Variants in STPG2 observed in about 807,000 individuals in gnomAD.
The protein encoded by STPG2 is sperm tail PG-rich repeat containing 2, also known as sperm-tail PG-rich repeat-containing protein 2.
STPG2 carries 56 observed loss-of-function variants against 54.2 expected under a neutral mutation model. That is an observed-to-expected ratio of 1.03 (90% CI 0.83 to 1.29). The LOEUF (loss-of-function observed/expected upper bound fraction) is 1.29, where lower values mean the gene tolerates loss of function less well. Ranked by LOEUF, STPG2 falls within the 50% of genes most tolerant of loss-of-function variation. The pLI, the probability that STPG2 is intolerant of heterozygous loss-of-function variation, is 0.00. For synonymous variants in STPG2, 200 were observed against 181.8 expected, an observed-to-expected ratio of 1.10 and a Z score of -0.81; for missense variants, 596 against 544.9, an observed-to-expected ratio of 1.09 and a Z score of -0.93.
At chr4:97,680,731 G>A (rs1723006912) in intron 10 of STPG2, among the ~76,000 whole-genome samples, 1 of 151,996 alleles carries the variant, frequency 6.6e-6, no homozygotes, top group Non-Finnish European at 1.5e-5. Context: ...TATGAGTAGA[G>A]TAAGAAGAAA....
intron 5 of STPG2, among the ~76,000 whole-genome samples, chr4:98,059,555 G>A (rs1737580703): frequency 6.6e-6 from 1 of 151,384 alleles, no homozygotes; most frequent in African/African-American, 2.4e-5. Flanking sequence ...CATTCTATGA[G>A]GCCAATATCA....
At chr4:97,551,251 C>T (rs976638272) in intron 4 of STPG2, among the ~76,000 whole-genome samples, 2 of 152,152 alleles carry the variant, frequency 1.3e-5, no homozygotes, top group Admixed American at 6.5e-5. Context: ...GGAAGCCCAG[C>T]TGGCTTCACC....
intron 8 of STPG2, among the ~76,000 whole-genome samples, chr4:97,858,074 A>T (rs1486150624): frequency 1.3e-5 from 2 of 152,130 alleles, no homozygotes; most frequent in Non-Finnish European, 2.9e-5. Context: ...GGGCAAATCT[A>T]AGAGTTATTG....
chr4:97,596,744 C>T (rs966377680), intron 10 of STPG2, among the ~76,000 whole-genome samples: 1 of 151,888 alleles, frequency 6.6e-6, no homozygotes, highest in Admixed American at 6.6e-5. Flanking sequence ...CATAACAGAA[C>T]CTCTGGGACA....
intron 5 of STPG2, among the ~76,000 whole-genome samples, chr4:98,023,694 T>C (rs1736312114): frequency 6.6e-6 from 1 of 152,148 alleles, no homozygotes; most frequent in Admixed American, 6.5e-5. Flanking sequence ...AGTTCGAGCT[T>C]TCTGGCTGCT....
intron 10 of STPG2, among the ~76,000 whole-genome samples, chr4:97,588,929 C>A (rs112140363): frequency 6.6e-6 from 1 of 152,042 alleles, no homozygotes; most frequent in African/African-American, 2.4e-5. Flanking sequence ...ATAACCCACA[C>A]AAAATTTTGG....
At chr4:97,775,599 A>C (rs1180238266) in intron 9 of STPG2, among the ~76,000 whole-genome samples, 1 of 152,178 alleles carries the variant, frequency 6.6e-6, no homozygotes, top group African/African-American at 2.4e-5. Flanking sequence ...TGAAAGCACA[A>C]TGTGTCTAAA....
At chr4:97,852,256 T>A (rs996721635) in intron 8 of STPG2, among the ~76,000 whole-genome samples, 1 of 152,194 alleles carries the variant, frequency 6.6e-6, no homozygotes, top group African/African-American at 2.4e-5. Context: ...TCATACTTTT[T>A]AAAATCAAAT....
intron 5 of STPG2, among the ~76,000 whole-genome samples, chr4:98,022,149 C>T (rs1354920641): frequency 6.6e-6 from 1 of 152,114 alleles, no homozygotes; most frequent in Non-Finnish European, 1.5e-5. Flanking sequence ...TTTGCAGTGG[C>T]TGGTACTGGT....
chr4:97,862,067 T>A (rs935867871), intron 8 of STPG2, among the ~76,000 whole-genome samples: 2 of 151,988 alleles, frequency 1.3e-5, no homozygotes, highest in Non-Finnish European at 2.9e-5. Context: ...AATTCACACA[T>A]AACAATATTA....
At chr4:97,537,597 C>T (rs900252829) in intron 4 of STPG2, among the ~76,000 whole-genome samples, 2 of 152,206 alleles carry the variant, frequency 1.3e-5, no homozygotes, top group Non-Finnish European at 2.9e-5. Flanking sequence ...CTGCCTGCTT[C>T]TGTAGACTCC....
chr4:97,643,388 T>G (rs1721818181), intron 10 of STPG2, among the ~76,000 whole-genome samples: 1 of 151,730 alleles, frequency 6.6e-6, no homozygotes, highest in South Asian at 2.1e-4. Context: ...CAGTCACATT[T>G]TAGTCATATA....
intron 10 of STPG2, among the ~76,000 whole-genome samples, chr4:97,584,126 T>C (rs1578405301): frequency 1.3e-5 from 2 of 151,980 alleles, no homozygotes; most frequent in South Asian, 4.1e-4. Context: ...CACCACATGA[T>C]AGACCACAAA....
intron 3 of STPG2, among the ~76,000 whole-genome samples, chr4:98,121,720 A>AT (rs71600247): frequency 2.7e-5 from 4 of 150,866 alleles, no homozygotes; most frequent in South Asian, 2.1e-4. Context: ...AATGCCTGTG[A>AT]TTTTTTTTGT....
chr4:98,078,091 T>TGA (rs899577976), intron 5 of STPG2, among the ~76,000 whole-genome samples: 6 of 151,638 alleles, frequency 4.0e-5, no homozygotes, highest in African/African-American at 1.2e-4. Context: ...TACCACAAAA[T>TGA]GAGAGAGAGA....
At chr4:97,566,486 C>T (rs752006097) in intron 10 of STPG2, among the ~76,000 whole-genome samples, 15 of 152,142 alleles carry the variant, frequency 9.9e-5, no homozygotes, top group Non-Finnish European at 1.3e-4. Context: ...GAGACGAACC[C>T]GGTACCTCAG....
chr4:97,643,522 A>G (rs1721822133), intron 10 of STPG2, among the ~76,000 whole-genome samples: 2 of 151,712 alleles, frequency 1.3e-5, no homozygotes, highest in Admixed American at 6.6e-5. Flanking sequence ...TATTCTGCAT[A>G]TATAAGTAAT....
chr4:98,006,394 G>T (rs1399119168), intron 5 of STPG2, among the ~76,000 whole-genome samples: 2 of 152,142 alleles, frequency 1.3e-5, no homozygotes, highest in African/African-American at 2.4e-5. Flanking sequence ...AGAAGTAAAG[G>T]CTGTGAGAGA....
intron 8 of STPG2, among the ~76,000 whole-genome samples, chr4:97,905,872 T>A (rs1291057141): frequency 1.3e-5 from 2 of 151,738 alleles, no homozygotes; most frequent in Non-Finnish European, 2.9e-5. Flanking sequence ...AAGCAGTGTG[T>A]AGAGGGAAAT....
Sources: allele counts gnomAD v4.1 joint callset (sites outside exome capture counted in the v4.1 genomes callset), GRCh38; gene constraint gnomAD v4.1.1; transcripts MANE v1.5; gene names NCBI Gene and HGNC (gene_info 2026-07-23, HGNC 2026-07-21).